Variants in BRD8 observed in about 807,000 individuals in gnomAD.
BRD8 encodes bromodomain containing 8, also known as bromodomain-containing protein 8.
In BRD8, 67 loss-of-function variants were observed where a neutral mutation model predicts 143.1. The ratio of observed to expected loss-of-function variants is 0.47; its 90% CI spans 0.38 to 0.57. The LOEUF (loss-of-function observed/expected upper bound fraction) is 0.57, where lower values mean the gene tolerates loss of function less well. BRD8 is among the 20% of genes least tolerant of loss of function. The probability of loss-of-function intolerance (pLI) is 0.00; values close to 1 mark genes in which losing one functional copy is unlikely to be tolerated. For missense variants in BRD8, 1,103 were observed against 1,503.0 expected (o/e 0.73, Z 4.40); for synonymous variants, 505 against 517.1 (o/e 0.98, Z 0.32).
At chr5:138,150,042 C>T (rs1327112549) in intron 22 of BRD8, among the ~76,000 whole-genome samples, 1 of 152,036 alleles carries the variant, frequency 6.6e-6, no homozygotes, top group Non-Finnish European at 1.5e-5. Flanking sequence ...CATTATTTGC[C>T]CAATTCTCAT....
rs1346229788 is a variant in BRD8, at chr5:138,166,565, G to A, written c.950C>T (p.Ala317Val). The stretch of plus-strand genomic sequence containing the variant: ...GGAGACAGCCGGAGCAGAGGATGGT[G>A]CTGGCAGCGCAGGCATCATGACAAT... ...ATIVMMPALPAPSSAPAVSTT... is the reference protein window; with the variant it reads ...ATIVMMPALPVPSSAPAVSTT... The change falls in exon 10 of 27, where the codon GCA (alanine) becomes GTA (valine). Residue 317 changes from alanine (A) to valine (V), a missense_variant. Ala to Val is a moderately conservative substitution (Grantham distance 64). Transcript: ENST00000254900. The A allele has an allele frequency of 1.9e-6, 3 of 1,613,898 alleles. No homozygotes were observed. Among genetic ancestry groups the A allele is most frequent in the East Asian group, 2.2e-5 (1 of 44,890 alleles).
Position 138,176,332 on chromosome 5 carries a change from C to T in BRD8, c.116+1239G>A, listed in dbSNP as rs973510348. ...AGTTGGCTGGGTATGGTGGCTCACA[C>T]TTGTAATCCCAGCACTTTTGGAGGC... On this transcript the variant is annotated intron_variant, in intron 2 of 26. Transcript: ENST00000254900. Among the ~76,000 whole-genome samples the T allele has an allele frequency of 8.9e-4, 135 of 152,172 alleles. 2 individuals are homozygous for T. The highest frequency in any genetic ancestry group is 2.9e-4 in the Non-Finnish European group (20 of 68,030).
intron 2 of BRD8, among the ~76,000 whole-genome samples, chr5:138,174,432 CA>C (rs1754148693): frequency 6.6e-6 from 1 of 151,574 alleles, no homozygotes; most frequent in South Asian, 2.1e-4. Flanking sequence ...CTATCTCTAC[CA>C]AAAAATACAA....
chr5:138,166,410 T>C, intron 10 of BRD8, 108 bp downstream of exon 10: 2 of 689,832 alleles, frequency 2.9e-6, no homozygotes, highest in Non-Finnish European at 2.4e-6. Flanking sequence ...CACATGTCTA[T>C]GTAGAACAGA....
At position 138,170,998 on chromosome 5, in the gene BRD8, A is replaced by G. The variant is rs374548169; in HGVS notation, c.359+40T>C. 2.7e-5 allele frequency: 44 copies of G among 1,611,498 alleles called. No individual in the cohort carries two copies. In the African/African-American group the frequency reaches 5.6e-4, roughly 21 times the overall value. Reference sequence around the variant, plus strand: ...GACCAGTACCAGAAGACAGTCCCTTATGTCTTTCTCAATTTTTTGGCATTC... The same window carrying G: ...GACCAGTACCAGAAGACAGTCCCTTGTGTCTTTCTCAATTTTTTGGCATTC... On this transcript the variant is annotated intron_variant, in intron 5 of 26. Transcript: ENST00000254900.
chr5:138,169,149 T>C (rs1318267588), intron 8 of BRD8, 73 bp downstream of exon 8: 1 of 1,529,924 alleles, frequency 6.5e-7, no homozygotes, highest in African/African-American at 1.4e-5. Flanking sequence ...CCAAAAGTGG[T>C]TTCCTCATCG....
chr5:138,157,095 C>T (rs1752652643), intron 20 of BRD8: 3 of 1,572,328 alleles, frequency 1.9e-6, no homozygotes, highest in Non-Finnish European at 2.6e-6. Flanking sequence ...TGTCGTGTGG[C>T]CCAGGTACCT....
In BRD8 at chr5:138,139,956, G is replaced by T; in HGVS notation, c.*118C>A. On this transcript the variant is annotated 3_prime_UTR_variant, in exon 27 of 27. Transcript: ENST00000254900. ...TTTGACTCGTTGGTTGTGAGTTAAGGTATTATTCTTGTTGGAAAAGAAAAT... is the reference window on the plus strand; with the variant it reads ...TTTGACTCGTTGGTTGTGAGTTAAGTTATTATTCTTGTTGGAAAAGAAAAT... 1.3e-6 allele frequency: 1 copy of T among 769,082 alleles called. No individual in the cohort carries two copies. The allele number at this position is 769,082 out of a possible 1,614,324, so 47.6% of individuals were successfully genotyped here. A position where few individuals can be genotyped will look rare whatever the true frequency, so the allele number is the denominator to read the frequency against.
intron 18 of BRD8, 99 bp downstream of exon 18, chr5:138,160,792 C>A: frequency 1.8e-6 from 2 of 1,129,460 alleles, no homozygotes; most frequent in Non-Finnish European, 2.4e-6. Context: ...CAGCTATCCA[C>A]GTAAAAGCCA....
intron 7 of BRD8, 58 bp from the exon 8 acceptor site, chr5:138,169,416 C>A: frequency 1.3e-6 from 2 of 1,566,834 alleles, no homozygotes; most frequent in South Asian, 1.1e-5. Context: ...TGAAACTTGA[C>A]ACTAGTCTGC....
chr5:138,141,583 G>T (rs1220523128), intron 25 of BRD8, among the ~76,000 whole-genome samples: 1 of 152,132 alleles, frequency 6.6e-6, no homozygotes, highest in Non-Finnish European at 1.5e-5. Flanking sequence ...AGGAGTGCTG[G>T]CCCCAGGTAT....
Position 138,149,762 on chromosome 5 carries a change from C to G in BRD8, c.3156G>C (p.Gln1052His). 1.9e-6 allele frequency: 3 copies of G among 1,612,074 alleles called. No homozygotes were observed. Among genetic ancestry groups the G allele is most frequent in the Non-Finnish European group, 2.5e-6 (3 of 1,179,380 alleles). The stretch of plus-strand genomic sequence containing the variant: ...CCATCTCTGACACATATACTTCACC[C>G]TGGTCCTCCCCTTTGGATTCTTGCT... Reference protein sequence around the residue: ...EAQQESKGEDQGEVYVSEMED... With the variant: ...EAQQESKGEDHGEVYVSEMED... The change falls in exon 23 of 27, where the codon CAG (glutamine) becomes CAC (histidine). Residue 1052 changes from glutamine (Q) to histidine (H), a missense_variant. Coordinates refer to ENST00000254900, the MANE Select transcript of BRD8 (RefSeq NM_139199.2).
chr5:138,161,104 A>G (rs1220676446), intron 17 of BRD8, 36 bp from the exon 18 acceptor site: 1 of 1,552,624 alleles, frequency 6.4e-7, no homozygotes, highest in South Asian at 1.2e-5. Context: ...AGCAGTGGGG[A>G]TGGAAAGAGG....
Position 138,152,643 on chromosome 5 carries a change from C to T in BRD8, c.2695G>A (p.Gly899Ser). The T allele has an allele frequency of 6.2e-7, 1 of 1,614,160 alleles. No individual in the cohort carries two copies. The highest frequency in any genetic ancestry group is 1.3e-5 in the African/African-American group (1 of 75,040). Residue 899 changes from glycine to serine, a missense_variant, in exon 21 of 27, where the codon GGC (glycine) becomes AGC (serine). Around this residue, in one of 7 missense-constraint regions of BRD8, gnomAD observed 369 missense variants for 445.5 expected, o/e 0.83. Coordinates refer to ENST00000254900, the MANE Select transcript of BRD8 (RefSeq NM_139199.2). Reference protein sequence around the residue: ...SWDSSLDLDVGNWRETEDPEA... With the variant: ...SWDSSLDLDVSNWRETEDPEA... ...GGATCCTCAGTTTCCCTCCAGTTGC[C>T]CACATCAAGATCCAGACTGGAGTCC...
chr5:138,149,732 G>A lies in BRD8; in HGVS notation c.3186C>T (p.Asp1062=), dbSNP rs761950545. The A allele has an allele frequency of 7.4e-6, 12 of 1,613,688 alleles. No individual in the cohort carries two copies. The highest frequency in any genetic ancestry group is 1.0e-5 in the Non-Finnish European group (12 of 1,179,866). Reference sequence around the variant, plus strand: ...CATCACACTCGCCTGAAGGGGGCTGGTCTTCCATCTCTGACACATATACTT... The same window carrying A: ...CATCACACTCGCCTGAAGGGGGCTGATCTTCCATCTCTGACACATATACTT... ...QGEVYVSEME[D]QPPSGECDDA... The change falls in exon 23 of 27, where the codon GAC becomes GAT. Residue 1062 remains aspartate, a synonymous_variant. Coordinates refer to ENST00000254900, the MANE Select transcript of BRD8 (RefSeq NM_139199.2).
intron 2 of BRD8, among the ~76,000 whole-genome samples, chr5:138,176,362 A>G (rs969513965): frequency 6.6e-6 from 1 of 152,060 alleles, no homozygotes; most frequent in Admixed American, 6.5e-5. Context: ...GGAGGCCAGG[A>G]CTGGTGCATT....
At chr5:138,142,531 G>A (rs940777132) in intron 25 of BRD8, among the ~76,000 whole-genome samples, 6 of 152,150 alleles carry the variant, frequency 3.9e-5, no homozygotes, top group East Asian at 1.9e-4. Flanking sequence ...TTGGGAGGCC[G>A]AGGCAGGCGG....
At chr5:138,173,347 G>A (rs576192961) in intron 2 of BRD8, among the ~76,000 whole-genome samples, 6 of 151,146 alleles carry the variant, frequency 4.0e-5, no homozygotes, top group East Asian at 3.9e-4. Flanking sequence ...GCAGTGAGCC[G>A]AGATCGTGCC....
At chr5:138,172,767 C>T (rs1323651890) in intron 2 of BRD8, 2 of 435,734 alleles carry the variant, frequency 4.6e-6, no homozygotes, top group Non-Finnish European at 4.6e-6. Context: ...TAGGAGGATC[C>T]CTTGAGCCCA....
Sources: gnomAD v4.1 joint callset for allele counts (sites outside exome capture counted in the v4.1 genomes callset) on GRCh38, gnomAD v4.1.1 for gene constraint, gnomAD v4.1.1 regional missense constraint, MANE v1.5 for transcripts, NCBI Gene and HGNC (gene_info 2026-07-23, HGNC 2026-07-21) for gene names.